Variants in SLC30A10 observed in about 807,000 individuals in gnomAD.
SLC30A10 encodes calcium/manganese antiporter SLC30A10.
A neutral mutation model predicts 21.7 loss-of-function variants in SLC30A10; 8 were observed. The observed-to-expected ratio is 0.37, with a 90% CI of 0.22 to 0.67. The LOEUF is 0.67. SLC30A10 is among the 30% of genes least tolerant of loss of function. The pLI is 0.58. For missense variants in SLC30A10, 521 were observed against 642.5 expected (o/e 0.81, Z 2.04); for synonymous variants, 272 against 279.4 (o/e 0.97, Z 0.26).
chr1:219,949,716 A>G (rs2102546301), intron 1 of SLC30A10, among the ~76,000 whole-genome samples: 2 of 152,046 alleles, frequency 1.3e-5, no homozygotes, highest in East Asian at 1.9e-4. Context: ...TAACCTGCAC[A>G]TTGTGCACAT....
rs1335694109 is a variant in SLC30A10 at position 219,915,314 on chromosome 1, G to A, written c.*135C>T. 5.3e-6 allele frequency: 6 copies of A among 1,122,154 alleles called. No individual in the cohort carries two copies. The highest frequency in any genetic ancestry group is 7.7e-6 in the Non-Finnish European group (6 of 778,584). 69.5% of individuals were successfully genotyped at this position (1,122,154 alleles called of 1,614,324 possible). A position where few individuals can be genotyped will look rare whatever the true frequency, so the allele number is the denominator to read the frequency against. On this transcript the variant is annotated 3_prime_UTR_variant, in exon 4 of 4. Transcript: ENST00000366926. The stretch of plus-strand genomic sequence containing the variant: ...ACACGTTTAACTAAAATCCCAAACA[G>A]CCAACCCCTAGTGAACACAGAGCAT...
rs543542373 is a variant in SLC30A10, at chr1:219,918,910, A to T, written c.719-416T>A. The stretch of plus-strand genomic sequence containing the variant: ...TTTAAGGGGAGAGAGAACAAGTTGT[A>T]TTAAGAGTGTTTAAAACAAATTGTC... On this transcript the variant is annotated intron_variant, in intron 2 of 3. Transcript: ENST00000366926. The surrounding 1 kb of genome is among the most constrained non-coding windows in gnomAD (Gnocchi z 4.4). The T allele has an allele frequency of 5.7e-5, 9 of 158,970 alleles. 1 individual carries two copies. In the East Asian group the frequency reaches 1.5e-3, roughly 26 times the overall value. The allele number at this position is 158,970 out of a possible 1,614,324, so 9.8% of individuals were successfully genotyped here. A position where few individuals can be genotyped will look rare whatever the true frequency, so the allele number is the denominator to read the frequency against.
chr1:219,939,049 A>G (rs1040691611), intron 1 of SLC30A10, among the ~76,000 whole-genome samples: 17 of 152,210 alleles, frequency 1.1e-4, no homozygotes, highest in Admixed American at 7.2e-4. Flanking sequence ...AAAATGAGAG[A>G]GAGTAATTTG....
chr1:219,952,210 T>C (rs766610830), intron 1 of SLC30A10, among the ~76,000 whole-genome samples: 1 of 152,158 alleles, frequency 6.6e-6, no homozygotes, highest in African/African-American at 2.4e-5. Context: ...ATGTTACCAT[T>C]TATTGAGTGT....
upstream of SLC30A10, among the ~76,000 whole-genome samples, chr1:219,929,265 G>C (rs1221728455): frequency 6.6e-6 from 1 of 152,152 alleles, no homozygotes; most frequent in Non-Finnish European, 1.5e-5. Flanking sequence ...CCTTCCCTGG[G>C]TGAATCGCAG....
At chr1:219,951,268 G>A (rs1057123758) in intron 1 of SLC30A10, among the ~76,000 whole-genome samples, 3 of 151,922 alleles carry the variant, frequency 2.0e-5, no homozygotes, top group African/African-American at 7.3e-5. Context: ...GCTGTAGAGT[G>A]ATTCTTTAAA....
At chr1:219,930,453 A>G (rs1053733289), upstream of SLC30A10, among the ~76,000 whole-genome samples, 2 of 152,204 alleles carry the variant, frequency 1.3e-5, no homozygotes, top group African/African-American at 2.4e-5. Context: ...AGCCTGGGTG[A>G]CATAGCAAGG....
intron 1 of SLC30A10, among the ~76,000 whole-genome samples, chr1:219,953,539 T>G (rs1014394943): frequency 6.6e-6 from 1 of 151,592 alleles, no homozygotes; most frequent in Non-Finnish European, 1.5e-5. Context: ...GAGGCAGAGG[T>G]TATCGTGAGC....
chr1:219,936,952 A>G (rs1660053653), intron 1 of SLC30A10, among the ~76,000 whole-genome samples: 1 of 152,146 alleles, frequency 6.6e-6, no homozygotes, highest in South Asian at 2.1e-4. Context: ...GTCTTTTCAT[A>G]CCATGGCTTT....
chr1:219,931,950 T>C (rs1286258024), upstream of SLC30A10, among the ~76,000 whole-genome samples: 2 of 152,156 alleles, frequency 1.3e-5, no homozygotes, highest in Non-Finnish European at 2.9e-5. Context: ...AGATTTTAAG[T>C]AACTTACCCA....
In SLC30A10 at chr1:219,912,170, CAAAAAAAAAAAAAAAA is replaced by C. The variant is rs59792236; in HGVS notation, c.*3263_*3278del. 8.0e-5 allele frequency among the ~76,000 whole-genome samples: 6 copies of C among 74,722 alleles called. No individual in the cohort carries two copies. The highest frequency in any genetic ancestry group is 3.4e-4 in the East Asian group (1 of 2,950). The allele number at this position is 74,722 out of a possible 152,430, so 49.0% of individuals were successfully genotyped here. On this transcript the variant is annotated 3_prime_UTR_variant, in exon 4 of 4. Coordinates refer to ENST00000366926, the MANE Select transcript of SLC30A10 (RefSeq NM_018713.3). ...CCACTGGAATTTGCTCTACCAATGG[CAAAAAAAAAAAAAAAA>C]AAAAAAAAAAGAACTAAATATGGAG...
intron 2 of SLC30A10, among the ~76,000 whole-genome samples, chr1:219,921,447 T>C (rs1319497779): frequency 6.6e-6 from 1 of 152,188 alleles, no homozygotes; most frequent in African/African-American, 2.4e-5. Flanking sequence ...CTCATGTAAG[T>C]TCTAAAATTC....
chr1:219,911,149 G>GTTTTTTTTTTT lies in SLC30A10; in HGVS notation c.*4289_*4299dup. Among the ~76,000 whole-genome samples, 275 of 49,446 alleles carry GTTTTTTTTTTT rather than the reference G, an allele frequency of 5.6e-3. 7 individuals are homozygous for GTTTTTTTTTTT. Among genetic ancestry groups the GTTTTTTTTTTT allele is most frequent in the Non-Finnish European group, 7.3e-3 (163 of 22,480 alleles). 32.4% of individuals were successfully genotyped at this position (49,446 alleles called of 152,430 possible). A position where few individuals can be genotyped will look rare whatever the true frequency, so the allele number is the denominator to read the frequency against. ...ATGTTTCTTCATTTTTTCTACATCAGTTTTTTTTTTTTTTTTTTTTTTTTT... is the reference window on the plus strand; with the variant it reads ...ATGTTTCTTCATTTTTTCTACATCAGTTTTTTTTTTTTTTTTTTTTTTTTTTTTTTTTTTTT... On this transcript the variant is annotated 3_prime_UTR_variant, in exon 4 of 4. Transcript: ENST00000366926.
Position 219,935,862 on chromosome 1 carries a change from G to T in SLC30A10, n.81-8757C>A, listed in dbSNP as rs375042899. Among the ~76,000 whole-genome samples, 3 of 152,062 alleles carry T rather than the reference G, an allele frequency of 2.0e-5. 1 individual carries two copies. The East Asian group carries it at 5.8e-4, about 29-fold the overall frequency. On this transcript the variant is annotated intron_variant and non_coding_transcript_variant, in intron 1 of 8. Transcript: ENST00000484239. ...TAGCTAATTATCTTAAAACAAATTA[G>T]CTATTGACTAATAAAATATTATATG...
chr1:219,921,907 A>AGAGAGAG (rs1659687168), intron 2 of SLC30A10, among the ~76,000 whole-genome samples: 3 of 65,972 alleles, frequency 4.5e-5, no homozygotes, highest in East Asian at 4.6e-4. Context: ...GTGTGTGTGA[A>AGAGAGAG]AGAGAGAGAG....
chr1:219,953,710 T>C (rs1024822096), intron 1 of SLC30A10, among the ~76,000 whole-genome samples: 9 of 116,960 alleles, frequency 7.7e-5, no homozygotes, highest in Non-Finnish European at 1.6e-4. Context: ...TTTTATTTTA[T>C]TTTATTTTAT....
At chr1:219,917,897 G>C (rs1374154034) in intron 3 of SLC30A10, among the ~76,000 whole-genome samples, 1 of 151,974 alleles carries the variant, frequency 6.6e-6, no homozygotes, top group African/African-American at 2.4e-5. Flanking sequence ...ATTTTTAGTA[G>C]AGACAGGGTT....
At position 219,912,198 on chromosome 1, in the gene SLC30A10, A is replaced by T. The variant is rs6704502; in HGVS notation, c.*3251T>A. Among the ~76,000 whole-genome samples the T allele has an allele frequency of 0.28, 36,773 of 132,784 alleles. 5,584 individuals are homozygous for T. The highest frequency in any genetic ancestry group is 0.4 in the East Asian group (1,866 of 4,650). The allele number at this position is 132,784 out of a possible 152,430, so 87.1% of individuals were successfully genotyped here. On this transcript the variant is annotated 3_prime_UTR_variant, in exon 4 of 4. Transcript: ENST00000366926. ...AAAAAAAAAAAAAAAAAAAAAAAAG[A>T]ACTAAATATGGAGAATATTCTTAAT...
At chr1:219,922,403 G>A (rs12048217) in intron 2 of SLC30A10, among the ~76,000 whole-genome samples, 12 of 151,966 alleles carry the variant, frequency 7.9e-5, no homozygotes, top group African/African-American at 2.9e-4. Flanking sequence ...GTCTTGTTGA[G>A]AGGTAGGTAA....
Sources: gnomAD v4.1 joint callset for allele counts (sites outside exome capture counted in the v4.1 genomes callset) on GRCh38, gnomAD v4.1.1 for gene constraint, Gnocchi (gnomAD v3.1) non-coding constraint, MANE v1.5 for transcripts, NCBI Gene and HGNC (gene_info 2026-07-23, HGNC 2026-07-21) for gene names.